Variants in LYST observed in about 807,000 individuals in gnomAD.
The protein encoded by LYST is lysosomal trafficking regulator.
In LYST, 192 loss-of-function variants were observed where a neutral mutation model predicts 413.6. That is an observed-to-expected ratio of 0.46 (90% CI 0.41 to 0.52). The LOEUF (loss-of-function observed/expected upper bound fraction) is 0.52. LYST is among the 20% of genes least tolerant of loss of function. The probability of loss-of-function intolerance (pLI) is 0.00; values close to 1 mark genes in which losing one functional copy is unlikely to be tolerated. For synonymous variants in LYST, 1,525 were observed against 1,567.3 expected (o/e 0.97, Z 0.64); for missense variants, 3,815 against 4,499.9 (o/e 0.85, Z 4.35).
At chr1:235,819,165 A>G (rs1047955006) in intron 3 of LYST, among the ~76,000 whole-genome samples, 40 of 152,218 alleles carry the variant, frequency 2.6e-4, no homozygotes, top group African/African-American at 8.9e-4. Flanking sequence ...CTGATGCCCA[A>G]TATAGCACTG....
intron 1 of LYST, among the ~76,000 whole-genome samples, chr1:235,835,891 T>C (rs1330412036): frequency 4.6e-5 from 7 of 152,204 alleles, no homozygotes; most frequent in African/African-American, 1.4e-4. Context: ...TTCATAGCTA[T>C]AATGCCCAAT....
chr1:235,737,954 G>T, intron 31 of LYST: 1,732 of 1,265,276 alleles, frequency 1.4e-3, no homozygotes, highest in Admixed American at 9.0e-3. Context: ...ACACCCGCCG[G>T]ACGTGCATTC....
At chr1:235,744,606 G>GAAAA (rs111899529) in intron 29 of LYST, among the ~76,000 whole-genome samples, 2 of 148,644 alleles carry the variant, frequency 1.3e-5, no homozygotes, top group African/African-American at 2.5e-5. Flanking sequence ...TAGAAAAGTG[G>GAAAA]AAAAAAAAAA....
At chr1:235,704,137 T>C (rs1661770459) in intron 44 of LYST, among the ~76,000 whole-genome samples, 1 of 152,232 alleles carries the variant, frequency 6.6e-6, no homozygotes, top group South Asian at 2.1e-4. Context: ...ATACCACATT[T>C]TCTTTATCCA....
chr1:235,709,777 AAACTC>A (rs1662258997), intron 43 of LYST, among the ~76,000 whole-genome samples: 1 of 150,044 alleles, frequency 6.7e-6, no homozygotes, highest in Non-Finnish European at 1.5e-5. Flanking sequence ...TATAGTTTAA[AAACTC>A]AACTAATATA....
At position 235,830,371 on chromosome 1, in the gene LYST, A is replaced by G; in HGVS notation, c.47T>C (p.Val16Ala). 1 of 1,613,922 alleles carries G rather than the reference A, an allele frequency of 6.2e-7. No homozygotes were observed. Among genetic ancestry groups the G allele is most frequent in the Non-Finnish European group, 8.5e-7 (1 of 1,179,936 alleles). ...NSLAREFLTD[V>A]NRLCNAVVQR... ...GACCACTGCATTGCAAAGCCGGTTG[A>G]CATCGGTCAGAAATTCACGTGCCAG... Residue 16 changes from valine (V) to alanine (A), a missense_variant, in exon 3 of 53, where the codon GTC becomes GCC. Val to Ala is a moderately conservative substitution (Grantham distance 64). This residue lies in a region of LYST where 1,648 missense variants were observed against 1,810.3 expected (regional missense o/e 0.91). Transcript: ENST00000389793.
At chr1:235,834,810 C>G (rs903867978) in intron 1 of LYST, among the ~76,000 whole-genome samples, 3 of 152,142 alleles carry the variant, frequency 2.0e-5, no homozygotes, top group Non-Finnish European at 4.4e-5. Flanking sequence ...GGCAGAGCAC[C>G]AGAAAGCAGT....
At position 235,662,717 on chromosome 1, in the gene LYST, T is replaced by C; in HGVS notation, c.*223A>G. The stretch of plus-strand genomic sequence containing the variant: ...GCGAGGCTTAAAACTTGTTGGCTAG[T>C]GCATATTGACACAATCTTCCAGATT... On this transcript the variant is annotated 3_prime_UTR_variant, in exon 53 of 53. Transcript: ENST00000389793. 1 of 593,418 alleles carries C rather than the reference T, an allele frequency of 1.7e-6. No homozygotes were observed. Among genetic ancestry groups the C allele is most frequent in the Non-Finnish European group, 3.1e-6 (1 of 327,260 alleles). The allele number at this position is 593,418 out of a possible 1,614,324, so 36.8% of individuals were successfully genotyped here.
intron 1 of LYST, among the ~76,000 whole-genome samples, chr1:235,846,440 C>A (rs564662353): frequency 6.6e-6 from 1 of 152,138 alleles, no homozygotes; most frequent in East Asian, 1.9e-4. Context: ...GAAAACCAAC[C>A]CTGGTAATAT....
At chr1:235,790,290 G>T (rs1227225158) in intron 12 of LYST, among the ~76,000 whole-genome samples, 1 of 152,138 alleles carries the variant, frequency 6.6e-6, no homozygotes, top group Non-Finnish European at 1.5e-5. Context: ...TTAAAAACAG[G>T]TGGGTTTCAA....
At chr1:235,858,725 A>C (rs1458497738) in intron 1 of LYST, among the ~76,000 whole-genome samples, 2 of 151,552 alleles carry the variant, frequency 1.3e-5, no homozygotes, top group African/African-American at 4.9e-5. Context: ...ACTACCCCCT[A>C]CTCAAGTTTT....
intron 1 of LYST, among the ~76,000 whole-genome samples, chr1:235,855,825 A>G (rs6687572): frequency 0.21 from 32,173 of 152,108 alleles, 4,329 homozygotes; most frequent in Middle Eastern, 0.33. Context: ...CTCTTATTTC[A>G]TAATTCTTAA....
intron 20 of LYST, among the ~76,000 whole-genome samples, chr1:235,769,016 T>TAAAAC (rs111904968): frequency 1.3e-5 from 2 of 152,132 alleles, no homozygotes; most frequent in South Asian, 4.1e-4. Context: ...CAGTGTGATT[T>TAAAAC]AAAACAAAAC....
intron 23 of LYST, among the ~76,000 whole-genome samples, chr1:235,758,268 C>T (rs1029841981): frequency 2.6e-5 from 4 of 152,108 alleles, no homozygotes; most frequent in African/African-American, 7.2e-5. Flanking sequence ...GACAGAGGAA[C>T]CTTAAGTTTC....
At chr1:235,690,238 T>C (rs1224520321) in intron 47 of LYST, among the ~76,000 whole-genome samples, 1 of 152,248 alleles carries the variant, frequency 6.6e-6, no homozygotes, top group Non-Finnish European at 1.5e-5. Context: ...TGTGTCAGTG[T>C]ATTTTGACAG....
At chr1:235,694,462 C>T (rs565117483) in intron 46 of LYST, among the ~76,000 whole-genome samples, 53 of 152,224 alleles carry the variant, frequency 3.5e-4, no homozygotes, top group Non-Finnish European at 5.4e-4. Flanking sequence ...AATGGTACTG[C>T]CCTTGAAACT....
rs142208500 is a variant in LYST, at chr1:235,854,115, CATG to C, written c.-98+12725_-98+12727del. Among the ~76,000 whole-genome samples the C allele has an allele frequency of 1.3e-5, 2 of 151,994 alleles. No homozygotes were observed. The highest frequency in any genetic ancestry group is 1.5e-5 in the Non-Finnish European group (1 of 67,990). On this transcript the variant is annotated intron_variant, in intron 1 of 52. Transcript: ENST00000389793. This position sits in a 1 kb window ranked among gnomAD's most constrained non-coding sequence, Gnocchi z 4.1. ...AAAAGAGACCTTTGGATTTTTATAGCATGATGATGATGATGATAATCTGGCTAA... is the reference window on the plus strand; with the variant it reads ...AAAAGAGACCTTTGGATTTTTATAGCATGATGATGATGATAATCTGGCTAA...
Position 235,810,351 on chromosome 1 carries a change from CTT to C in LYST, c.465_466del (p.Asp157CysfsTer17). Reference sequence around the variant, plus strand: ...GGAGAGCTGTGTCTTTCTTGCATCTCTTACAGAATAGCGATGGGTAATTTTAC... The same window carrying C: ...GGAGAGCTGTGTCTTTCTTGCATCTCACAGAATAGCGATGGGTAATTTTAC... On this transcript the variant is annotated frameshift_variant, in exon 5 of 53. Transcript: ENST00000389793. LOFTEE classifies it high-confidence loss of function. The C allele has an allele frequency of 6.2e-7, 1 of 1,614,116 alleles. No homozygotes were observed. Among genetic ancestry groups the C allele is most frequent in the Non-Finnish European group, 8.5e-7 (1 of 1,179,990 alleles).
chr1:235,819,123 T>C (rs1028868420), intron 3 of LYST, among the ~76,000 whole-genome samples: 3 of 152,276 alleles, frequency 2.0e-5, no homozygotes, highest in Non-Finnish European at 4.4e-5. Flanking sequence ...TCTGCTGGAA[T>C]TGTAGTCCTG....
Sources: allele counts gnomAD v4.1 joint callset (sites outside exome capture counted in the v4.1 genomes callset), GRCh38; gene constraint gnomAD v4.1.1; regional missense constraint gnomAD v4.1.1; non-coding constraint Gnocchi (gnomAD v3.1); transcripts MANE v1.5; gene names NCBI Gene and HGNC (gene_info 2026-07-23, HGNC 2026-07-21).